The following EFCAB6 variants were observed in gnomAD, a reference collection of about 807,000 sequenced individuals.
The protein encoded by EFCAB6 is EF-hand calcium-binding domain-containing protein 6.
Under a neutral mutation model 169.8 loss-of-function variants are expected in EFCAB6, and 156 were observed. That is an observed-to-expected ratio of 0.92 (90% CI 0.81 to 1.05). The LOEUF is 1.05. Ranked by LOEUF, EFCAB6 falls within the 50% of genes least tolerant of loss-of-function variation. The probability of loss-of-function intolerance (pLI) is 0.00; values close to 1 mark genes in which losing one functional copy is unlikely to be tolerated. For missense variants in EFCAB6, 1,800 were observed against 1,829.1 expected, an observed-to-expected ratio of 0.98 and a Z score of 0.29; for synonymous variants, 698 against 676.4, an observed-to-expected ratio of 1.03 and a Z score of -0.50.
chr22:43,624,927 C>T (rs67475725), intron 20 of EFCAB6, among the ~76,000 whole-genome samples: 5,840 of 152,242 alleles, frequency 0.038, 125 homozygotes, highest in African/African-American at 0.05. Flanking sequence ...AATGAACTTT[C>T]TCCAGAGAAT....
chr22:43,540,677 A>G (rs1461501922), intron 27 of EFCAB6: 17 of 812,448 alleles, frequency 2.1e-5, no homozygotes, highest in Non-Finnish European at 2.7e-5. Flanking sequence ...AGTGTATTCG[A>G]ACATTTGGGA....
intron 19 of EFCAB6, among the ~76,000 whole-genome samples, chr22:43,627,523 C>T (rs2054611710): frequency 6.6e-6 from 1 of 152,196 alleles, no homozygotes; most frequent in South Asian, 2.1e-4. Flanking sequence ...GCCTGGCTTT[C>T]CTGGCATTCT....
At chr22:43,633,346 G>A (rs935726878) in intron 18 of EFCAB6, among the ~76,000 whole-genome samples, 4 of 152,144 alleles carry the variant, frequency 2.6e-5, no homozygotes, top group Admixed American at 6.5e-5. Context: ...TCAAGAGATC[G>A]AGACCATCCT....
intron 24 of EFCAB6, among the ~76,000 whole-genome samples, chr22:43,585,160 A>G (rs181144255): frequency 2.0e-5 from 3 of 152,322 alleles, no homozygotes; most frequent in Admixed American, 2.0e-4. Flanking sequence ...TGAAATTATC[A>G]GATAGGGAAT....
chr22:43,540,033 C>G, intron 28 of EFCAB6, 94 bp downstream of exon 28: 1 of 1,407,466 alleles, frequency 7.1e-7, no homozygotes, highest in Non-Finnish European at 9.8e-7. Flanking sequence ...GCCACTCAAC[C>G]CTGGGCCATA....
At chr22:43,626,306 A>G in intron 20 of EFCAB6, 141 bp downstream of exon 20, 1 of 817,594 alleles carries the variant, frequency 1.2e-6, no homozygotes, top group South Asian at 1.9e-5. Flanking sequence ...TATTTCTTGT[A>G]TGACTTTTTC....
chr22:43,702,134 T>C (rs1025716088), intron 10 of EFCAB6, among the ~76,000 whole-genome samples: 3 of 152,186 alleles, frequency 2.0e-5, no homozygotes, highest in Admixed American at 6.5e-5. Context: ...TCATGAGTTA[T>C]CAATATTTTA....
rs116102706 is a variant in EFCAB6, at chr22:43,804,222, C to A, written c.-8+4773G>T. ...AATTAAACAACACACTCCTGAATGA[C>A]CGATGAATCAATGAAGAAATTAAGA... is the stretch of plus-strand genomic sequence containing the variant. On this transcript the variant is annotated intron_variant, in intron 2 of 31. Transcript: ENST00000262726. Among the ~76,000 whole-genome samples, 963 of 152,182 alleles carry A rather than the reference C, an allele frequency of 6.3e-3. 14 individuals carry two copies. The highest frequency in any genetic ancestry group is 0.022 in the African/African-American group (915 of 41,506).
chr22:43,802,885 A>G (rs971858057), intron 2 of EFCAB6: 6 of 305,020 alleles, frequency 2.0e-5, no homozygotes, highest in African/African-American at 4.4e-5. Context: ...TAGCACACAG[A>G]ACACTTCATT....
intron 2 of EFCAB6, among the ~76,000 whole-genome samples, chr22:43,799,329 C>CACACACACACACA (rs1491415655): frequency 1.4e-5 from 2 of 146,548 alleles, no homozygotes; most frequent in African/African-American, 5.1e-5. Context: ...GAATCTGTCT[C>CACACACACACACA]CACACACACA....
intron 17 of EFCAB6, among the ~76,000 whole-genome samples, chr22:43,648,636 T>C (rs1263851213): frequency 6.6e-6 from 1 of 152,170 alleles, no homozygotes; most frequent in Non-Finnish European, 1.5e-5. Flanking sequence ...GCGGGATTAT[T>C]CATGCCCCAA....
chr22:43,614,306 T>A (rs765367657), intron 21 of EFCAB6, among the ~76,000 whole-genome samples: 8 of 150,006 alleles, frequency 5.3e-5, no homozygotes, highest in African/African-American at 7.4e-5. Context: ...TGGAACACAA[T>A]AGAGAGTCCA....
At chr22:43,636,616 T>C in intron 17 of EFCAB6, among the ~76,000 whole-genome samples, 1 of 148,974 alleles carries the variant, frequency 6.7e-6, no homozygotes, top group Non-Finnish European at 1.5e-5. Flanking sequence ...TTTCTTTTTT[T>C]TTTTTTTTTT....
At chr22:43,636,609 CTTT>C (rs907909699) in intron 17 of EFCAB6, among the ~76,000 whole-genome samples, 1 of 126,288 alleles carries the variant, frequency 7.9e-6, no homozygotes, top group African/African-American at 3.0e-5. Flanking sequence ...CAGTTCTTTT[CTTT>C]TTTTTTTTTT....
chr22:43,730,980 G>A (rs989770907), intron 8 of EFCAB6, among the ~76,000 whole-genome samples: 4 of 152,150 alleles, frequency 2.6e-5, no homozygotes, highest in East Asian at 1.9e-4. Context: ...CATTTTGAGC[G>A]AGTCATTCAG....
chr22:43,755,889 T>C (rs1603337271), intron 5 of EFCAB6, 57 bp from the exon 6 acceptor site: 3 of 1,452,876 alleles, frequency 2.1e-6, no homozygotes, highest in East Asian at 2.5e-5. Flanking sequence ...AATGTTTACA[T>C]AGGATATGCA....
intron 8 of EFCAB6, among the ~76,000 whole-genome samples, chr22:43,719,571 T>TA (rs1366196304): frequency 5.3e-5 from 8 of 152,188 alleles, no homozygotes; most frequent in Admixed American, 6.5e-5. Context: ...GCGACTCTCT[T>TA]ATAGAGGTGA....
intron 6 of EFCAB6, among the ~76,000 whole-genome samples, chr22:43,739,823 C>T (rs2060300972): frequency 6.6e-6 from 1 of 152,022 alleles, no homozygotes; most frequent in African/African-American, 2.4e-5. Context: ...GTGCAAGCCT[C>T]CCGCTTGGTC....
chr22:43,627,041 T>C (rs1334388648), intron 19 of EFCAB6, among the ~76,000 whole-genome samples: 1 of 152,202 alleles, frequency 6.6e-6, no homozygotes, highest in Non-Finnish European at 1.5e-5. Context: ...CTCGCAATTT[T>C]TTATATCACT....
Sources: gnomAD v4.1 joint callset for allele counts (sites outside exome capture counted in the v4.1 genomes callset) on GRCh38, gnomAD v4.1.1 for gene constraint, MANE v1.5 for transcripts, NCBI Gene and HGNC (gene_info 2026-07-23, HGNC 2026-07-21) for gene names.